Variants in SLMAP observed in about 807,000 individuals in gnomAD.
SLMAP encodes the protein sarcolemmal membrane-associated protein.
SLMAP carries 44 observed loss-of-function variants against 128.8 expected under a neutral mutation model. The ratio of observed to expected loss-of-function variants is 0.34; its 90% CI spans 0.27 to 0.44. The LOEUF is 0.44. SLMAP is among the 20% of genes least tolerant of loss of function. The probability of loss-of-function intolerance (pLI) is 1.00; values close to 1 mark genes in which losing one functional copy is unlikely to be tolerated. For synonymous variants in SLMAP, 327 were observed against 348.8 expected (o/e 0.94, Z 0.70); for missense variants, 787 against 985.3 (o/e 0.80, Z 2.69).
intron 22 of SLMAP, among the ~76,000 whole-genome samples, chr3:57,919,885 C>A (rs1360084618): frequency 6.6e-6 from 1 of 152,126 alleles, no homozygotes; most frequent in Non-Finnish European, 1.5e-5. Context: ...TACCTTCTTG[C>A]CGTGGGGCCA....
intron 17 of SLMAP, chr3:57,899,505 A>T (rs2096318852): frequency 6.6e-6 from 1 of 152,202 alleles, no homozygotes. Flanking sequence ...GTATCTTTAT[A>T]AATACCTGCT....
chr3:57,855,413 A>G (rs1163999752), intron 6 of SLMAP, among the ~76,000 whole-genome samples: 3 of 151,888 alleles, frequency 2.0e-5, no homozygotes, highest in Non-Finnish European at 2.9e-5. Flanking sequence ...AAGATAGAAA[A>G]TGATATACCT....
chr3:57,810,245 T>C (rs1411423533), intron 2 of SLMAP, among the ~76,000 whole-genome samples: 4 of 152,188 alleles, frequency 2.6e-5, no homozygotes, highest in Non-Finnish European at 5.9e-5. Context: ...AGCATGCCTG[T>C]GCACAGTGGT....
intron 4 of SLMAP, among the ~76,000 whole-genome samples, chr3:57,844,352 CCACTT>C (rs2094135758): frequency 6.6e-6 from 1 of 151,772 alleles, no homozygotes; most frequent in Non-Finnish European, 1.5e-5. Context: ...CAAAATCAGA[CCACTT>C]CACTTCAGGC....
At chr3:57,843,563 C>T (rs545712797) in intron 4 of SLMAP, among the ~76,000 whole-genome samples, 1 of 151,722 alleles carries the variant, frequency 6.6e-6, no homozygotes, top group South Asian at 2.1e-4. Flanking sequence ...ACCTTGGTCT[C>T]CCAAAGTGCT....
At position 57,848,503 on chromosome 3, in the gene SLMAP, TCTTCTTTCTTCTTCTTC is replaced by T. The variant is rs1302443082; in HGVS notation, c.457-1241_457-1225del. Among the ~76,000 whole-genome samples, 13 of 150,812 alleles carry T rather than the reference TCTTCTTTCTTCTTCTTC, an allele frequency of 8.6e-5. No individual in the cohort carries two copies. The South Asian group carries it at 1.1e-3, about 12-fold the overall frequency. ...TTCGTCCTCCCTCCTCCTACTTCCT[TCTTCTTTCTTCTTCTTC>T]CTTCTTTCTCCTTCTTCCTTCCCTT... On this transcript the variant is annotated intron_variant, in intron 5 of 24. Coordinates refer to ENST00000671191, the MANE Select transcript of SLMAP (RefSeq NM_001377540.1).
chr3:57,896,041 A>G (rs997931910), intron 15 of SLMAP, among the ~76,000 whole-genome samples: 2 of 125,774 alleles, frequency 1.6e-5, no homozygotes, highest in African/African-American at 2.9e-5. Context: ...GCACTTTTTT[A>G]TAAGAACTGA....
chr3:57,895,362 G>A (rs978186317), intron 15 of SLMAP, among the ~76,000 whole-genome samples: 3 of 151,974 alleles, frequency 2.0e-5, no homozygotes, highest in African/African-American at 7.2e-5. Flanking sequence ...TTGAGACAGA[G>A]TCTTGCTCTG....
At chr3:57,919,719 C>T (rs553412546) in intron 22 of SLMAP, among the ~76,000 whole-genome samples, 8 of 151,398 alleles carry the variant, frequency 5.3e-5, no homozygotes, top group African/African-American at 4.8e-5. Flanking sequence ...GCTTTGAACC[C>T]GGGAAGTGGA....
chr3:57,915,024 T>C (rs2096781561), intron 21 of SLMAP, among the ~76,000 whole-genome samples: 1 of 152,032 alleles, frequency 6.6e-6, no homozygotes, highest in Admixed American at 6.6e-5. Context: ...TAGCTGGGAT[T>C]ATAGGTGTGT....
intron 2 of SLMAP, among the ~76,000 whole-genome samples, chr3:57,826,232 T>C (rs1577120561): frequency 6.6e-6 from 1 of 152,214 alleles, no homozygotes; most frequent in Admixed American, 6.5e-5. Context: ...ATTTTGCTCT[T>C]TCATGTCTTG....
At position 57,888,679 on chromosome 3, in the gene SLMAP, G is replaced by A. The variant is rs575507925; in HGVS notation, c.1301-1362G>A. On this transcript the variant is annotated intron_variant, in intron 14 of 24. Coordinates refer to ENST00000671191, the MANE Select transcript of SLMAP (RefSeq NM_001377540.1). Reference sequence around the variant, plus strand: ...CTCTTGAGGATGGTAGTAGAAAATGGCAAAATTTAACCGTGTAAAATAGAT... The same window carrying A: ...CTCTTGAGGATGGTAGTAGAAAATGACAAAATTTAACCGTGTAAAATAGAT... 1.3e-5 allele frequency among the ~76,000 whole-genome samples: 2 copies of A among 151,884 alleles called. 1 individual carries two copies. Among genetic ancestry groups the A allele is most frequent in the South Asian group, 4.2e-4 (2 of 4,796 alleles).
At position 57,891,824 on chromosome 3, in the gene SLMAP, G is replaced by T. The variant is rs1017402387; in HGVS notation, c.1360+1724G>T. On this transcript the variant is annotated intron_variant, in intron 15 of 24. Coordinates refer to ENST00000671191, the MANE Select transcript of SLMAP (RefSeq NM_001377540.1). ...ACTCCTGACCTCAGATGATCCACCC[G>T]CCTCGGCCTCCCAAAGTGCTGGGAT... is the stretch of plus-strand genomic sequence containing the variant. Among the ~76,000 whole-genome samples the T allele has an allele frequency of 4.6e-5, 7 of 152,166 alleles. No homozygotes were observed. In the South Asian group the frequency reaches 6.2e-4, roughly 14 times the overall value.
At chr3:57,900,761 C>G (rs896180200) in intron 17 of SLMAP, 8 of 152,884 alleles carry the variant, frequency 5.2e-5, no homozygotes, top group South Asian at 2.1e-4. Context: ...CAGCCCAGAT[C>G]GTGCCACTAC....
At chr3:57,772,064 T>C (rs901811063) in intron 2 of SLMAP, among the ~76,000 whole-genome samples, 3 of 152,244 alleles carry the variant, frequency 2.0e-5, no homozygotes, top group Admixed American at 6.5e-5. Context: ...GAGTTTCTCG[T>C]TTAATTGGAA....
intron 14 of SLMAP, among the ~76,000 whole-genome samples, chr3:57,886,761 GA>G (rs557494311): frequency 4.2e-5 from 6 of 142,234 alleles, no homozygotes; most frequent in African/African-American, 7.7e-5. Flanking sequence ...CTTATAAACT[GA>G]AAAAAAAAAT....
At chr3:57,860,567 G>C (rs1039510056) in intron 8 of SLMAP, 132 bp from the exon 9 acceptor site, 19 of 655,738 alleles carry the variant, frequency 2.9e-5, no homozygotes, top group Admixed American at 4.0e-5. Context: ...GTTAATACAG[G>C]GCCAGAATCA....
intron 2 of SLMAP, among the ~76,000 whole-genome samples, chr3:57,830,098 G>A (rs1239699415): frequency 2.0e-5 from 3 of 152,104 alleles, no homozygotes; most frequent in South Asian, 2.1e-4. Flanking sequence ...GCAGGGGCAC[G>A]ATCTTGGCTC....
intron 3 of SLMAP, among the ~76,000 whole-genome samples, chr3:57,832,975 G>A (rs1311841205): frequency 6.6e-6 from 1 of 152,190 alleles, no homozygotes; most frequent in Non-Finnish European, 1.5e-5. Context: ...TATATCTGCT[G>A]TTGCCATATC....
Sources: allele counts gnomAD v4.1 joint callset (sites outside exome capture counted in the v4.1 genomes callset), GRCh38; gene constraint gnomAD v4.1.1; transcripts MANE v1.5; gene names NCBI Gene and HGNC (gene_info 2026-07-23, HGNC 2026-07-21).